Variants in ATXN1 observed in about 807,000 individuals in gnomAD.
ATXN1 encodes the protein ataxin 1.
In ATXN1, 8 loss-of-function variants were observed where a neutral mutation model predicts 56.4. The observed-to-expected ratio is 0.14, with a 90% CI of 0.08 to 0.26. The LOEUF (loss-of-function observed/expected upper bound fraction) is 0.26. ATXN1 is among the 10% of genes least tolerant of loss of function. The pLI, the probability that ATXN1 is intolerant of heterozygous loss-of-function variation, is 1.00. For missense variants in ATXN1, 987 were observed against 1,106.5 expected (o/e 0.89, Z 1.53); for synonymous variants, 514 against 494.6 (o/e 1.04, Z -0.52).
At chr6:16,585,713 C>G (rs1439414565) in intron 4 of ATXN1, 67 bp downstream of exon 4, 1 of 152,206 alleles carries the variant, frequency 6.6e-6, no homozygotes, top group African/African-American at 2.4e-5. Flanking sequence ...TACACCCCCA[C>G]CACTATCTTG....
intron 6 of ATXN1, among the ~76,000 whole-genome samples, chr6:16,387,888 C>T (rs1232788893): frequency 1.3e-5 from 2 of 152,138 alleles, no homozygotes; most frequent in African/African-American, 4.8e-5. Context: ...CAATACACAA[C>T]TAAATCTTAA....
At chr6:16,443,944 G>A (rs937551647) in intron 6 of ATXN1, among the ~76,000 whole-genome samples, 23 of 152,020 alleles carry the variant, frequency 1.5e-4, no homozygotes, top group East Asian at 3.9e-4. Context: ...GTGAAACCCC[G>A]TCTCTACTAA....
chr6:16,679,814 A>G (rs1373447995), intron 2 of ATXN1, among the ~76,000 whole-genome samples: 1 of 152,240 alleles, frequency 6.6e-6, no homozygotes, highest in East Asian at 1.9e-4. Flanking sequence ...TCCAGCAAGT[A>G]TTACTTCATT....
At chr6:16,324,322 G>A (rs936675634) in intron 7 of ATXN1, among the ~76,000 whole-genome samples, 9 of 152,026 alleles carry the variant, frequency 5.9e-5, no homozygotes, top group Admixed American at 2.0e-4. Context: ...ATGGTGGTAT[G>A]CACCTGTGGT....
At chr6:16,435,288 G>T (rs1759366568) in intron 6 of ATXN1, among the ~76,000 whole-genome samples, 1 of 152,122 alleles carries the variant, frequency 6.6e-6, no homozygotes, top group African/African-American at 2.4e-5. Context: ...GTCTGGCCTA[G>T]AAACATGGAT....
Position 16,506,031 on chromosome 6 carries a change from C to A in ATXN1, c.-299+16596G>T, listed in dbSNP as rs1290466293. Among the ~76,000 whole-genome samples the A allele has an allele frequency of 6.6e-6, 1 of 152,088 alleles. No homozygotes were observed. The highest frequency in any genetic ancestry group is 1.9e-4 in the East Asian group (1 of 5,204). ...CATCTGGAGGGCAGTGTCTTCCCTCCTAGAAGAGAGGCCCAGGCTGAGAGC... is the reference window on the plus strand; with the variant it reads ...CATCTGGAGGGCAGTGTCTTCCCTCATAGAAGAGAGGCCCAGGCTGAGAGC... On this transcript the variant is annotated intron_variant, in intron 5 of 7. Coordinates refer to ENST00000436367, the MANE Select transcript of ATXN1 (RefSeq NM_001128164.2). This position sits in a 1 kb window ranked among gnomAD's most constrained non-coding sequence, Gnocchi z 4.1.
rs76513322 is a variant in ATXN1 at position 16,644,997 on chromosome 6, A to G, written c.-489+12779T>C. Among the ~76,000 whole-genome samples the G allele has an allele frequency of 9.5e-3, 1,452 of 152,322 alleles. 7 individuals carry two copies. The highest frequency in any genetic ancestry group is 0.014 in the Non-Finnish European group (972 of 68,016). On this transcript the variant is annotated intron_variant, in intron 3 of 7. Transcript: ENST00000436367. ...ATAAATACAGATTTGGGCCAAATTTACATAATATGTGCTTGTAGGTTCACT... is the reference window on the plus strand; with the variant it reads ...ATAAATACAGATTTGGGCCAAATTTGCATAATATGTGCTTGTAGGTTCACT...
At chr6:16,420,837 C>T (rs1759017091) in intron 6 of ATXN1, among the ~76,000 whole-genome samples, 1 of 152,160 alleles carries the variant, frequency 6.6e-6, no homozygotes. Context: ...CTCTCTCTCT[C>T]TCTCTGTCTC....
chr6:16,755,598 T>C (rs1281488703), intron 1 of ATXN1, among the ~76,000 whole-genome samples: 2 of 151,806 alleles, frequency 1.3e-5, no homozygotes, highest in South Asian at 2.1e-4. Context: ...GACAGAAAAA[T>C]ATATTTTCTT....
rs561283086 is a variant in ATXN1 at position 16,332,886 on chromosome 6, T to C, written c.-160-4416A>G. 1.3e-3 allele frequency among the ~76,000 whole-genome samples: 205 copies of C among 152,340 alleles called. 1 individual carries two copies. Among genetic ancestry groups the C allele is most frequent in the Non-Finnish European group, 2.0e-3 (133 of 68,024 alleles). On this transcript the variant is annotated intron_variant, in intron 6 of 7. Transcript: ENST00000436367. Reference sequence around the variant, plus strand: ...ACATCAGCATCCTCTGCAAGTTTGCTGGAAATGCAGACTCTCAGGCCCCAC... The same window carrying C: ...ACATCAGCATCCTCTGCAAGTTTGCCGGAAATGCAGACTCTCAGGCCCCAC...
intron 5 of ATXN1, among the ~76,000 whole-genome samples, chr6:16,511,902 G>A (rs553384697): frequency 2.6e-5 from 4 of 152,222 alleles, no homozygotes; most frequent in Non-Finnish European, 4.4e-5. Context: ...CTTAGTGGGT[G>A]TCTTTGCCAC....
chr6:16,643,627 C>CAAAAAA (rs58223053), intron 3 of ATXN1, among the ~76,000 whole-genome samples: 10 of 63,168 alleles, frequency 1.6e-4, no homozygotes, highest in Admixed American at 3.8e-4. Flanking sequence ...GAGACCCTGC[C>CAAAAAA]AAAAAAAAAA....
intron 6 of ATXN1, among the ~76,000 whole-genome samples, chr6:16,342,111 T>C (rs372593592): frequency 1.3e-5 from 2 of 151,548 alleles, no homozygotes; most frequent in Non-Finnish European, 2.9e-5. Context: ...CTCAAACTCC[T>C]GACCTGAGCG....
intron 5 of ATXN1, among the ~76,000 whole-genome samples, chr6:16,502,583 C>G (rs1760905491): frequency 6.6e-6 from 1 of 152,096 alleles, no homozygotes; most frequent in Non-Finnish European, 1.5e-5. Flanking sequence ...TCATTTTAAG[C>G]ATTAAAAAAT....
intron 5 of ATXN1, among the ~76,000 whole-genome samples, chr6:16,513,781 G>T (rs1370977041): frequency 2.6e-5 from 4 of 152,100 alleles, no homozygotes; most frequent in Non-Finnish European, 4.4e-5. Context: ...GTAGCCTAGG[G>T]CATGGGAGGG....
At chr6:16,733,092 T>A (rs1179471882) in intron 2 of ATXN1, among the ~76,000 whole-genome samples, 1 of 152,244 alleles carries the variant, frequency 6.6e-6, no homozygotes, top group Non-Finnish European at 1.5e-5. Flanking sequence ...TTCTGAGTTT[T>A]ACACCCACCA....
At chr6:16,424,599 T>A (rs1300336896) in intron 6 of ATXN1, among the ~76,000 whole-genome samples, 1 of 152,196 alleles carries the variant, frequency 6.6e-6, no homozygotes, top group Non-Finnish European at 1.5e-5. Context: ...CAACTGGAAT[T>A]CTCCATTGCT....
intron 3 of ATXN1, among the ~76,000 whole-genome samples, chr6:16,599,312 G>A (rs1192555029): frequency 6.6e-6 from 1 of 152,062 alleles, no homozygotes; most frequent in African/African-American, 2.4e-5. Flanking sequence ...GCAGCCTCAT[G>A]CAAAAACAGA....
chr6:16,360,272 G>C (rs1324252293), intron 6 of ATXN1, among the ~76,000 whole-genome samples: 4 of 152,184 alleles, frequency 2.6e-5, no homozygotes, highest in Non-Finnish European at 5.9e-5. Flanking sequence ...TGTATGGTCA[G>C]AGATGACTTC....
Sources: allele counts gnomAD v4.1 joint callset (sites outside exome capture counted in the v4.1 genomes callset), GRCh38; gene constraint gnomAD v4.1.1; non-coding constraint Gnocchi (gnomAD v3.1); transcripts MANE v1.5; gene names NCBI Gene and HGNC (gene_info 2026-07-23, HGNC 2026-07-21).